Variants in ADGRV1 observed in about 807,000 individuals in gnomAD.
ADGRV1 encodes adhesion G protein-coupled receptor V1, also known as G-protein coupled receptor 98.
ADGRV1 carries 359 observed loss-of-function variants against 596.2 expected under a neutral mutation model. The observed-to-expected ratio is 0.60, with a 90% confidence interval of 0.55 to 0.66. The LOEUF is 0.66. Among genes scored for constraint, ADGRV1 ranks in the 30% least tolerant of loss-of-function variants. The pLI is 0.00. For synonymous variants in ADGRV1, 2,681 were observed against 2,679.2 expected, an observed-to-expected ratio of 1.00 and a Z score of -0.02; for missense variants, 7,274 against 7,575.6, an observed-to-expected ratio of 0.96 and a Z score of 1.48.
At chr5:91,073,481 A>G (rs977325592) in intron 86 of ADGRV1, among the ~76,000 whole-genome samples, 1 of 152,228 alleles carries the variant, frequency 6.6e-6, no homozygotes, top group Admixed American at 6.5e-5. Flanking sequence ...ATAGTGTCTA[A>G]TACATTTTTA....
intron 1 of ADGRV1, among the ~76,000 whole-genome samples, chr5:90,572,336 C>G (rs1017358909): frequency 6.6e-6 from 1 of 151,984 alleles, no homozygotes. Context: ...TGCATGACTT[C>G]TGTATTTAAG....
chr5:90,927,309 T>C (rs1361102845), intron 83 of ADGRV1, among the ~76,000 whole-genome samples: 1 of 151,348 alleles, frequency 6.6e-6, no homozygotes, highest in Non-Finnish European at 1.5e-5. Flanking sequence ...TTTATGAATC[T>C]GGGTGCTCCT....
At chr5:90,951,070 T>G (rs1777024111) in intron 83 of ADGRV1, among the ~76,000 whole-genome samples, 2 of 152,212 alleles carry the variant, frequency 1.3e-5, no homozygotes, top group African/African-American at 4.8e-5. Flanking sequence ...GAAGCTGGTA[T>G]GTAACTCATG....
At chr5:90,794,594 A>G (rs534464330) in intron 70 of ADGRV1, among the ~76,000 whole-genome samples, 5 of 152,150 alleles carry the variant, frequency 3.3e-5, no homozygotes, top group Non-Finnish European at 7.4e-5. Flanking sequence ...GAGCATGTGG[A>G]TAAATAGTGT....
intron 1 of ADGRV1, among the ~76,000 whole-genome samples, chr5:90,578,384 C>T (rs1273946374): frequency 4.6e-5 from 7 of 152,058 alleles, no homozygotes; most frequent in Non-Finnish European, 4.4e-5. Context: ...TGGTTTTTGT[C>T]GTTGGTTCTG....
At chr5:90,836,696 AG>A (rs1266778310) in intron 77 of ADGRV1, among the ~76,000 whole-genome samples, 4 of 152,226 alleles carry the variant, frequency 2.6e-5, no homozygotes, top group Admixed American at 6.5e-5. Context: ...ATTATATTAC[AG>A]TCATGCAAAA....
intron 1 of ADGRV1, among the ~76,000 whole-genome samples, chr5:90,570,947 G>A (rs183878914): frequency 1.3e-3 from 192 of 152,008 alleles, no homozygotes; most frequent in African/African-American, 4.5e-3. Flanking sequence ...AGTATTTATC[G>A]ATTACTTTTT....
chr5:90,795,754 C>G (rs901306837), intron 70 of ADGRV1, among the ~76,000 whole-genome samples: 9 of 152,214 alleles, frequency 5.9e-5, no homozygotes, highest in African/African-American at 1.9e-4. Context: ...AGAGCTCTGG[C>G]TGGCATCTGG....
intron 1 of ADGRV1, among the ~76,000 whole-genome samples, chr5:90,614,488 A>C (rs1763099181): frequency 1.3e-5 from 2 of 152,226 alleles, no homozygotes; most frequent in South Asian, 4.1e-4. Context: ...GCTTTAATTA[A>C]ATTTCCATGT....
rs1581104686 is a variant in ADGRV1 at position 90,781,695 on chromosome 5, C to A, written c.13231+117C>A. On this transcript the variant is annotated intron_variant, in intron 65 of 89. Coordinates refer to ENST00000405460, the MANE Select transcript of ADGRV1 (RefSeq NM_032119.4). ...GTGTGGGTGTGTGTGTTTGTGTTTA[C>A]ACATATACACTTTTATATTTATTTA... 5 of 853,232 alleles carry A rather than the reference C, an allele frequency of 5.9e-6. No homozygotes were observed. In the East Asian group the frequency reaches 1.3e-4, roughly 23 times the overall value. The allele number at this position is 853,232 out of a possible 1,614,324, so 52.9% of individuals were successfully genotyped here. A position where few individuals can be genotyped will look rare whatever the true frequency, so the allele number is the denominator to read the frequency against.
At chr5:90,803,171 T>A (rs1244345049) in intron 71 of ADGRV1, among the ~76,000 whole-genome samples, 1 of 152,126 alleles carries the variant, frequency 6.6e-6, no homozygotes, top group African/African-American at 2.4e-5. Context: ...AGCACTAATA[T>A]TCCACACTTT....
chr5:90,948,939 T>C (rs1776834222), intron 83 of ADGRV1, among the ~76,000 whole-genome samples: 2 of 152,112 alleles, frequency 1.3e-5, no homozygotes, highest in South Asian at 4.1e-4. Flanking sequence ...GTATAAAATA[T>C]TTATTGCAGC....
intron 85 of ADGRV1, among the ~76,000 whole-genome samples, chr5:91,034,448 G>GA (rs1348511439): frequency 6.6e-6 from 1 of 152,086 alleles, no homozygotes; most frequent in Non-Finnish European, 1.5e-5. Context: ...TTTTATTTTA[G>GA]AAAAGAATGT....
Position 90,822,405 on chromosome 5 carries a change from C to T in ADGRV1, c.16197-1020C>T, listed in dbSNP as rs1004740019. Among the ~76,000 whole-genome samples, 104 of 152,226 alleles carry T rather than the reference C, an allele frequency of 6.8e-4. 1 individual carries two copies. The highest frequency in any genetic ancestry group is 3.4e-3 in the Middle Eastern group (1 of 294). On this transcript the variant is annotated intron_variant, in intron 75 of 89. Transcript: ENST00000405460. ...GTTGCTCACGCTGGGAGCTGTAGAC[C>T]GGAGCTGTTCCTATTCGGCCATCTT... is the stretch of plus-strand genomic sequence containing the variant.
At position 90,683,548 on chromosome 5, in the gene ADGRV1, C is replaced by T. The variant is rs1745215519; in HGVS notation, c.5665-38C>T. 4 of 1,465,198 alleles carry T rather than the reference C, an allele frequency of 2.7e-6. 1 individual carries two copies. The South Asian group carries it at 4.2e-5, about 15-fold the overall frequency. 90.8% of individuals were successfully genotyped at this position (1,465,198 alleles called of 1,614,324 possible). ...AAGCCTCTAAGTAACTGGCTTTAAT[C>T]TCTCTTTTAATAGATTTTAATATTA... On this transcript the variant is annotated intron_variant, in intron 27 of 89. Coordinates refer to ENST00000405460, the MANE Select transcript of ADGRV1 (RefSeq NM_032119.4).
intron 75 of ADGRV1, among the ~76,000 whole-genome samples, chr5:90,819,459 T>C (rs1763252773): frequency 6.6e-6 from 1 of 150,580 alleles, no homozygotes; most frequent in South Asian, 2.1e-4. Flanking sequence ...TTCTGCTCGC[T>C]TTTGAATGTG....
rs993381683 is a variant in ADGRV1 at position 90,781,479 on chromosome 5, C to A, written c.13132C>A (p.Pro4378Thr). 1 of 1,609,588 alleles carries A rather than the reference C, an allele frequency of 6.2e-7. No homozygotes were observed. The highest frequency in any genetic ancestry group is 1.3e-5 in the African/African-American group (1 of 74,806). The change falls in exon 65 of 90, where the codon CCT becomes ACT. Residue 4378 changes from proline (P) to threonine (T), a missense_variant. Pro to Thr is a conservative substitution (Grantham distance 38). Transcript: ENST00000405460. ...QENGLQIDQP[P>T]EIGNISIVRI... ...AAATGGACTTCAGATAGATCAACCT[C>A]CTGAAATAGGAAACATCTCCATTGT... is the stretch of plus-strand genomic sequence containing the variant.
At chr5:91,133,656 A>G (rs1794395132) in intron 87 of ADGRV1, among the ~76,000 whole-genome samples, 1 of 152,236 alleles carries the variant, frequency 6.6e-6, no homozygotes, top group African/African-American at 2.4e-5. Context: ...AGACTCTGAT[A>G]TAGTGTGTGG....
intron 85 of ADGRV1, among the ~76,000 whole-genome samples, chr5:91,042,981 A>T (rs774950049): frequency 2.6e-5 from 4 of 152,070 alleles, no homozygotes; most frequent in Non-Finnish European, 5.9e-5. Flanking sequence ...TCGAGCCAGT[A>T]GTAACCCCAA....
Sources: allele counts gnomAD v4.1 joint callset (sites outside exome capture counted in the v4.1 genomes callset), GRCh38; gene constraint gnomAD v4.1.1; transcripts MANE v1.5; gene names NCBI Gene and HGNC (gene_info 2026-07-23, HGNC 2026-07-21).